The following KCNQ1OT1 variants were observed in gnomAD, a reference collection of about 807,000 sequenced individuals.
KCNQ1OT1 encodes KCNQ1 opposite strand/antisense transcript 1, also known as KCNQ1 antisense RNA 2 (non-protein coding).
At chr11:2,625,493 TGACTA>T (rs1849247644) in exon 1 of KCNQ1OT1, 1 of 398,586 alleles carries the variant, frequency 2.5e-6, no homozygotes. Context: ...TATTTCCTAA[TGACTA>T]GAGATGTTAA....
chr11:2,660,458 T>G (rs2133854016), exon 1 of KCNQ1OT1: 1 of 398,608 alleles, frequency 2.5e-6, no homozygotes, highest in East Asian at 3.6e-5. Context: ...GCAACATAAT[T>G]CAGGTGAAAA....
chr11:2,652,096 G>C lies in KCNQ1OT1; in HGVS notation n.47899C>G, dbSNP rs941498730. 1.0e-5 allele frequency: 4 copies of C among 398,592 alleles called. No homozygotes were observed. The highest frequency in any genetic ancestry group is 6.2e-5 in the African/African-American group (3 of 48,636). The allele number at this position is 398,592 out of a possible 1,614,324, so 24.7% of individuals were successfully genotyped here. On this transcript the variant is annotated non_coding_transcript_exon_variant, in exon 1 of 1. Transcript: ENST00000597346. This position sits in a 1 kb window ranked among gnomAD's most constrained non-coding sequence, Gnocchi z 5.9. ...AGCTATGGGGAGCCTCTCGGCCCCAGTTCTGGCCTGGCTGGGAGGTGGCCT... is the reference window on the plus strand; with the variant it reads ...AGCTATGGGGAGCCTCTCGGCCCCACTTCTGGCCTGGCTGGGAGGTGGCCT...
rs1686152521 is a variant in KCNQ1OT1, at chr11:2,670,781, A to G, written n.29214T>C. 2 of 398,566 alleles carry G rather than the reference A, an allele frequency of 5.0e-6. No homozygotes were observed. Among genetic ancestry groups the G allele is most frequent in the Non-Finnish European group, 4.4e-6 (1 of 226,076 alleles). 24.7% of individuals were successfully genotyped at this position (398,566 alleles called of 1,614,324 possible). A position where few individuals can be genotyped will look rare whatever the true frequency, so the allele number is the denominator to read the frequency against. On this transcript the variant is annotated non_coding_transcript_exon_variant, in exon 1 of 1. Transcript: ENST00000597346. The surrounding 1 kb of genome is among the most constrained non-coding windows in gnomAD (Gnocchi z 4.9). ...GTGGCTCTTGTGGCTGCCCTCTGCA[A>G]TAAGAATTCTTCAAGTTCAGCCTCT...
At position 2,626,248 on chromosome 11, in the gene KCNQ1OT1, A is replaced by G. The variant is rs1849260494; in HGVS notation, n.73747T>C. The G allele has an allele frequency of 2.5e-6, 1 of 398,352 alleles. No homozygotes were observed. 24.7% of individuals were successfully genotyped at this position (398,352 alleles called of 1,614,324 possible). ...TACACAGTGTTAGGTAAGGGTCTCAACTTCATTCTCTTTTATACATGGTTA... is the reference window on the plus strand; with the variant it reads ...TACACAGTGTTAGGTAAGGGTCTCAGCTTCATTCTCTTTTATACATGGTTA... On this transcript the variant is annotated non_coding_transcript_exon_variant, in exon 1 of 1. Transcript: ENST00000597346. The surrounding 1 kb of genome is among the most constrained non-coding windows in gnomAD (Gnocchi z 4.0).
exon 1 of KCNQ1OT1, chr11:2,681,580 A>T (rs1056469904): frequency 7.5e-6 from 3 of 398,450 alleles, no homozygotes; most frequent in Non-Finnish European, 1.3e-5. Flanking sequence ...CTTTTCAGGA[A>T]GTTTCTAGCT....
rs1452241754 is a variant in KCNQ1OT1 at position 2,648,989 on chromosome 11, T to C, written n.51006A>G. ...GTCTCTTTTTTCTTTTTCTTTTTTT[T>C]TTTTTTTTTTTTTTTGACTCAGTAT... On this transcript the variant is annotated non_coding_transcript_exon_variant, in exon 1 of 1. Transcript: ENST00000597346. 2,379 of 346,262 alleles carry C rather than the reference T, an allele frequency of 6.9e-3. 2 individuals are homozygous for C. Among genetic ancestry groups the C allele is most frequent in the Middle Eastern group, 0.013 (17 of 1,346 alleles). 21.4% of individuals were successfully genotyped at this position (346,262 alleles called of 1,614,324 possible). A position where few individuals can be genotyped will look rare whatever the true frequency, so the allele number is the denominator to read the frequency against.
rs1849950778 is a variant in KCNQ1OT1 at position 2,661,225 on chromosome 11, T to C, written n.38770A>G. ...TTTGAATTATTCCACTTCTCACAGA[T>C]GAGTACTTAATCCTTTTGCAATAAA... On this transcript the variant is annotated non_coding_transcript_exon_variant, in exon 1 of 1. Coordinates refer to ENST00000597346, the Ensembl canonical transcript of KCNQ1OT1. This position sits in a 1 kb window ranked among gnomAD's most constrained non-coding sequence, Gnocchi z 5.9. 1 of 398,708 alleles carries C rather than the reference T, an allele frequency of 2.5e-6. No individual in the cohort carries two copies. The highest frequency in any genetic ancestry group is 4.4e-6 in the Non-Finnish European group (1 of 226,272). The allele number at this position is 398,708 out of a possible 1,614,324, so 24.7% of individuals were successfully genotyped here. A position where few individuals can be genotyped will look rare whatever the true frequency, so the allele number is the denominator to read the frequency against.
At chr11:2,684,866 G>C (rs1850456987) in exon 1 of KCNQ1OT1, 2 of 398,574 alleles carry the variant, frequency 5.0e-6, no homozygotes, top group African/African-American at 4.1e-5. Context: ...GGAGTCTGCT[G>C]AGACAAAAGT....
At position 2,664,887 on chromosome 11, in the gene KCNQ1OT1, GAC is replaced by G. The variant is rs1850036174; in HGVS notation, n.35106_35107del. 1 of 398,630 alleles carries G rather than the reference GAC, an allele frequency of 2.5e-6. No homozygotes were observed. The highest frequency in any genetic ancestry group is 2.1e-5 in the African/African-American group (1 of 48,740). The allele number at this position is 398,630 out of a possible 1,614,324, so 24.7% of individuals were successfully genotyped here. On this transcript the variant is annotated non_coding_transcript_exon_variant, in exon 1 of 1. Transcript: ENST00000597346. This position sits in a 1 kb window ranked among gnomAD's most constrained non-coding sequence, Gnocchi z 5.1. ...AATTCAAATTAAAAACATAAATAAA[GAC>G]ACATTTTGTTTCCATCTCGAGCTCT... is the stretch of plus-strand genomic sequence containing the variant.
At position 2,645,929 on chromosome 11, in the gene KCNQ1OT1, CTT is replaced by C. The variant is rs1374216521; in HGVS notation, n.54064_54065del. On this transcript the variant is annotated non_coding_transcript_exon_variant, in exon 1 of 1. Coordinates refer to ENST00000597346, the Ensembl canonical transcript of KCNQ1OT1. The surrounding 1 kb of genome is among the most constrained non-coding windows in gnomAD (Gnocchi z 5.8). ...CCATTTCACAGTCTGTAGGTAGCCT[CTT>C]GTTAGTCTCAAGGCATCTATGGGTC... The C allele has an allele frequency of 2.3e-5, 9 of 398,488 alleles. No homozygotes were observed. Among genetic ancestry groups the C allele is most frequent in the Non-Finnish European group, 3.5e-5 (8 of 226,082 alleles). The allele number at this position is 398,488 out of a possible 1,614,324, so 24.7% of individuals were successfully genotyped here. A position where few individuals can be genotyped will look rare whatever the true frequency, so the allele number is the denominator to read the frequency against.
rs893767199 is a variant in KCNQ1OT1 at position 2,690,098 on chromosome 11, C to A, written n.9897G>T. 2 of 398,964 alleles carry A rather than the reference C, an allele frequency of 5.0e-6. No individual in the cohort carries two copies. The highest frequency in any genetic ancestry group is 6.3e-4 in the Middle Eastern group (1 of 1,596). The allele number at this position is 398,964 out of a possible 1,614,324, so 24.7% of individuals were successfully genotyped here. A position where few individuals can be genotyped will look rare whatever the true frequency, so the allele number is the denominator to read the frequency against. The stretch of plus-strand genomic sequence containing the variant: ...GCTGAAGGCACAGCAGGGACAATCG[C>A]TCTTCCGGGGTTAGAACTGGGGGAG... On this transcript the variant is annotated non_coding_transcript_exon_variant, in exon 1 of 1. Coordinates refer to ENST00000597346, the Ensembl canonical transcript of KCNQ1OT1. The surrounding 1 kb of genome is among the most constrained non-coding windows in gnomAD (Gnocchi z 5.1).
Position 2,609,027 on chromosome 11 carries a change from T to C in KCNQ1OT1, n.90968A>G, listed in dbSNP as rs1050905407. 1.3e-5 allele frequency: 5 copies of C among 398,342 alleles called. No homozygotes were observed. The Admixed American group carries it at 1.3e-4, about 11-fold the overall frequency. 24.7% of individuals were successfully genotyped at this position (398,342 alleles called of 1,614,324 possible). ...TTTATTATTTTTATATTCTATATTT[T>C]ATTTCTACTCTAATATTTATTATTT... On this transcript the variant is annotated non_coding_transcript_exon_variant, in exon 1 of 1. Coordinates refer to ENST00000597346, the Ensembl canonical transcript of KCNQ1OT1.
chr11:2,618,431 G>T, exon 1 of KCNQ1OT1: 2 of 398,558 alleles, frequency 5.0e-6, no homozygotes, highest in Non-Finnish European at 8.8e-6. Flanking sequence ...ACAGAACTGG[G>T]TTTCCTAACG....
chr11:2,663,598 G>A lies in KCNQ1OT1; in HGVS notation n.36397C>T, dbSNP rs1362777296. On this transcript the variant is annotated non_coding_transcript_exon_variant, in exon 1 of 1. Transcript: ENST00000597346. This position sits in a 1 kb window ranked among gnomAD's most constrained non-coding sequence, Gnocchi z 5.2. ...TCCTGTTGGAGCTCTCGCTCACCTTGGTTCTCTTGGTCACGGACCAGCATC... is the reference window on the plus strand; with the variant it reads ...TCCTGTTGGAGCTCTCGCTCACCTTAGTTCTCTTGGTCACGGACCAGCATC... 2.5e-6 allele frequency: 1 copy of A among 398,524 alleles called. No homozygotes were observed. The highest frequency in any genetic ancestry group is 2.1e-5 in the African/African-American group (1 of 48,616). 24.7% of individuals were successfully genotyped at this position (398,524 alleles called of 1,614,324 possible).
exon 1 of KCNQ1OT1, chr11:2,697,342 TAA>T (rs1198917106): frequency 1.3e-4 from 53 of 398,636 alleles, no homozygotes; most frequent in Middle Eastern, 6.3e-4. Context: ...TGAGCTACAC[TAA>T]GTTTTATCAC....
At chr11:2,615,375 C>G (rs575097554) in exon 1 of KCNQ1OT1, 5 of 397,974 alleles carry the variant, frequency 1.3e-5, no homozygotes, top group South Asian at 1.3e-4. Context: ...AATTTGGATG[C>G]TATTCATTTA....
chr11:2,661,375 A>T lies in KCNQ1OT1; in HGVS notation n.38620T>A, dbSNP rs1289278936. 1 of 407,988 alleles carries T rather than the reference A, an allele frequency of 2.5e-6. No homozygotes were observed. Among genetic ancestry groups the T allele is most frequent in the Non-Finnish European group, 4.3e-6 (1 of 231,118 alleles). The allele number at this position is 407,988 out of a possible 1,614,324, so 25.3% of individuals were successfully genotyped here. A position where few individuals can be genotyped will look rare whatever the true frequency, so the allele number is the denominator to read the frequency against. ...AGTTGCAGAGGTGGGCCCAGGAATC[A>T]TAATGTGAAGCCAGCTGTTGGAGGG... On this transcript the variant is annotated non_coding_transcript_exon_variant, in exon 1 of 1. Coordinates refer to ENST00000597346, the Ensembl canonical transcript of KCNQ1OT1. The surrounding 1 kb of genome is among the most constrained non-coding windows in gnomAD (Gnocchi z 5.9).
exon 1 of KCNQ1OT1, chr11:2,675,035 G>A (rs1028512124): frequency 9.8e-5 from 39 of 398,550 alleles, no homozygotes; most frequent in Non-Finnish European, 3.1e-5. Flanking sequence ...CAGAGCCCAG[G>A]TGGGGGACGG....
rs1849603337 is a variant in KCNQ1OT1, at chr11:2,642,976, CTCT to C, written n.57016_57018del. 1 of 397,586 alleles carries C rather than the reference CTCT, an allele frequency of 2.5e-6. No homozygotes were observed. The highest frequency in any genetic ancestry group is 1.3e-4 in the South Asian group (1 of 7,852). The allele number at this position is 397,586 out of a possible 1,614,324, so 24.6% of individuals were successfully genotyped here. ...TTTATTTATACAGTTTTGAATGCTC[CTCT>C]TATTTATTTATAGTTTTATGCTATT... On this transcript the variant is annotated non_coding_transcript_exon_variant, in exon 1 of 1. Transcript: ENST00000597346. This position sits in a 1 kb window ranked among gnomAD's most constrained non-coding sequence, Gnocchi z 4.3.
Sources: allele counts gnomAD v4.1 joint callset, GRCh38; gene constraint gnomAD v4.1.1; non-coding constraint Gnocchi (gnomAD v3.1); transcripts MANE v1.5; gene names NCBI Gene and HGNC (gene_info 2026-07-23, HGNC 2026-07-21).